The following NINL variants were observed in gnomAD, a reference collection of about 807,000 sequenced individuals.
NINL encodes ninein-like protein.
Under a neutral mutation model 160.3 loss-of-function variants are expected in NINL, and 153 were observed. That is an observed-to-expected ratio of 0.95 (90% CI 0.84 to 1.09). The LOEUF (loss-of-function observed/expected upper bound fraction) is 1.09, where lower values mean the gene tolerates loss of function less well. NINL is among the 50% of genes least tolerant of loss of function. NINL has a pLI of 0.00. For missense variants in NINL, 1,829 were observed against 1,764.0 expected (o/e 1.04, Z -0.66); for synonymous variants, 800 against 734.8 (o/e 1.09, Z -1.43).
chr20:25,562,140 G>A (rs1472331911), intron 1 of NINL, among the ~76,000 whole-genome samples: 48 of 146,668 alleles, frequency 3.3e-4, no homozygotes, highest in African/African-American at 1.0e-3. Flanking sequence ...TCAGCCCCCC[G>A]CCAGGCGAGA....
chr20:25,515,313 G>C (rs1444265360), intron 3 of NINL, among the ~76,000 whole-genome samples: 1 of 152,232 alleles, frequency 6.6e-6, no homozygotes, highest in African/African-American at 2.4e-5. Flanking sequence ...CATGGGGCCT[G>C]TAGCCCCTTT....
At chr20:25,519,819 C>G (rs753537352) in intron 2 of NINL, among the ~76,000 whole-genome samples, 1 of 151,684 alleles carries the variant, frequency 6.6e-6, no homozygotes, top group East Asian at 1.9e-4. Flanking sequence ...GAGTTGGAAA[C>G]CAGCCTGGGC....
chr20:25,478,986 G>T lies in NINL; in HGVS notation c.2138C>A (p.Pro713His). ...GCCACACAGTGCCTGGGTGCAGCAG[G>T]GTGCCAGGCCCATCTGCTCAGGCTC... is the stretch of plus-strand genomic sequence containing the variant. ...GPEPEQMGLA[P>H]CCTQALCGLA... The change falls in exon 16 of 24, where the codon CCC (proline) becomes CAC (histidine). Residue 713 changes from proline to histidine, a missense_variant. Transcript: ENST00000278886. 6.2e-7 allele frequency: 1 copy of T among 1,602,788 alleles called. No individual in the cohort carries two copies. Among genetic ancestry groups the T allele is most frequent in the Non-Finnish European group, 8.5e-7 (1 of 1,176,874 alleles).
At chr20:25,490,688 C>G (rs1265693020) in intron 11 of NINL, among the ~76,000 whole-genome samples, 2 of 152,058 alleles carry the variant, frequency 1.3e-5, no homozygotes, top group South Asian at 4.2e-4. Context: ...ACAGCTCAGA[C>G]AGCCATTGCC....
chr20:25,477,335 G>A (rs2063283453), intron 16 of NINL, among the ~76,000 whole-genome samples: 1 of 152,216 alleles, frequency 6.6e-6, no homozygotes, highest in South Asian at 2.1e-4. Context: ...CCCTTTCCAT[G>A]TGGAGTGTTC....
chr20:25,473,995 C>A (rs2063172110), intron 17 of NINL, among the ~76,000 whole-genome samples: 1 of 152,220 alleles, frequency 6.6e-6, no homozygotes, highest in African/African-American at 2.4e-5. Flanking sequence ...CTGTGGATGG[C>A]ACAATACTGG....
At chr20:25,555,382 T>G (rs2064854061) in intron 1 of NINL, among the ~76,000 whole-genome samples, 1 of 152,238 alleles carries the variant, frequency 6.6e-6, no homozygotes, top group African/African-American at 2.4e-5. Flanking sequence ...CCATAGAGGC[T>G]ATATCTATTT....
intron 1 of NINL, among the ~76,000 whole-genome samples, chr20:25,576,863 T>C (rs2065121539): frequency 6.6e-6 from 1 of 152,220 alleles, no homozygotes; most frequent in African/African-American, 2.4e-5. Flanking sequence ...GTATCAAGAA[T>C]TGCTTCGCTT....
At chr20:25,497,773 T>C (rs1030588004) in intron 9 of NINL, among the ~76,000 whole-genome samples, 11 of 152,200 alleles carry the variant, frequency 7.2e-5, no homozygotes, top group African/African-American at 2.4e-4. Flanking sequence ...GGACCCCACC[T>C]GGCGCTGGCA....
At chr20:25,461,872 TTCTCCTCACTGCAGTGGGAGCGTTTCC>T (rs929176898) in intron 20 of NINL, among the ~76,000 whole-genome samples, 2 of 152,220 alleles carry the variant, frequency 1.3e-5, no homozygotes, top group African/African-American at 4.8e-5. Flanking sequence ...AGGAAGTGCC[TTCTCCTCACTGCAGTGGGAGCGTTTCC>T]TGGGGCATTA....
intron 1 of NINL, among the ~76,000 whole-genome samples, chr20:25,533,022 C>T (rs1380739163): frequency 6.6e-6 from 1 of 152,182 alleles, no homozygotes; most frequent in African/African-American, 2.4e-5. Context: ...CGGCCCGGCT[C>T]AGCCACATAG....
intron 1 of NINL, among the ~76,000 whole-genome samples, chr20:25,569,943 G>A (rs996003912): frequency 1.3e-5 from 2 of 152,058 alleles, no homozygotes; most frequent in South Asian, 4.2e-4. Flanking sequence ...CCAGCACTTT[G>A]GGAGGCCAAG....
Position 25,582,659 on chromosome 20 carries a change from A to G in NINL, c.-12+2796T>C, listed in dbSNP as rs117161793. Among the ~76,000 whole-genome samples, 20 of 152,344 alleles carry G rather than the reference A, an allele frequency of 1.3e-4. No homozygotes were observed. The East Asian group carries it at 3.7e-3, about 28-fold the overall frequency. ...TTTAAACCACTAATGGATGATGTAT[A>G]AGTCAAACAAAAGGGACAAGCATGA... On this transcript the variant is annotated intron_variant, in intron 1 of 23. Coordinates refer to ENST00000278886, the MANE Select transcript of NINL (RefSeq NM_025176.6).
At chr20:25,550,928 G>A (rs987975465) in intron 1 of NINL, among the ~76,000 whole-genome samples, 1 of 152,108 alleles carries the variant, frequency 6.6e-6, no homozygotes, top group African/African-American at 2.4e-5. Context: ...TCGGGCTGGG[G>A]GACGGTAAGG....
Position 25,489,930 on chromosome 20 carries a change from G to A in NINL, c.1541C>T (p.Ser514Leu), listed in dbSNP as rs1443786165. ...CTGCAGCTTCAGGGCCAGCCTCTCC[G>A]AATCCGAAAGCTTTTCCACCACTTC... ...IVEVVEKLSD[S>L]ERLALKLQKD... The change falls in exon 12 of 24, where the codon TCG becomes TTG. Residue 514 changes from serine to leucine, a missense_variant. By Grantham distance (145) the Ser-to-Leu change is moderately radical. Transcript: ENST00000278886. The A allele has an allele frequency of 1.1e-5, 17 of 1,614,010 alleles. No individual in the cohort carries two copies. Among genetic ancestry groups the A allele is most frequent in the East Asian group, 4.5e-5 (2 of 44,894 alleles).
intron 13 of NINL, 82 bp downstream of exon 13, chr20:25,489,159 CACT>C: frequency 8.0e-7 from 1 of 1,257,328 alleles, no homozygotes; most frequent in Non-Finnish European, 1.2e-6. Context: ...CTGGAGCAGA[CACT>C]CCTGCGTTAC....
chr20:25,488,761 ATTC>A, intron 13 of NINL, among the ~76,000 whole-genome samples: 1 of 152,212 alleles, frequency 6.6e-6, no homozygotes, highest in African/African-American at 2.4e-5. Context: ...TTACATTATT[ATTC>A]TTAAATAAAT....
chr20:25,458,023 A>T (rs913141812), intron 22 of NINL, among the ~76,000 whole-genome samples: 43 of 152,120 alleles, frequency 2.8e-4, no homozygotes, highest in Non-Finnish European at 4.4e-5. Context: ...TGCCCACGGC[A>T]CCTGCCGGGC....
intron 7 of NINL, among the ~76,000 whole-genome samples, chr20:25,502,788 C>T (rs567604502): frequency 6.6e-6 from 1 of 152,286 alleles, no homozygotes; most frequent in African/African-American, 2.4e-5. Context: ...CCTGCCTGCA[C>T]CCCTTCACCT....
Sources: gnomAD v4.1 joint callset for allele counts (sites outside exome capture counted in the v4.1 genomes callset) on GRCh38, gnomAD v4.1.1 for gene constraint, MANE v1.5 for transcripts, NCBI Gene and HGNC (gene_info 2026-07-23, HGNC 2026-07-21) for gene names.